Variants in ATF7 observed in about 807,000 individuals in gnomAD.
The protein encoded by ATF7 is cyclic AMP-dependent transcription factor ATF-7.
ATF7 carries 10 observed loss-of-function variants against 50.4 expected under a neutral mutation model. The observed-to-expected ratio is 0.20, with a 90% CI of 0.12 to 0.34. The LOEUF (loss-of-function observed/expected upper bound fraction) is 0.34. ATF7 is among the 10% of genes least tolerant of loss of function. ATF7 has a pLI of 1.00. For synonymous variants in ATF7, 201 were observed against 226.4 expected (o/e 0.89, Z 1.01); for missense variants, 465 against 613.9 (o/e 0.76, Z 2.56).
intron 1 of ATF7, among the ~76,000 whole-genome samples, chr12:53,605,654 A>G (rs1470957346): frequency 2.6e-5 from 4 of 152,236 alleles, no homozygotes; most frequent in Admixed American, 2.6e-4. Flanking sequence ...AAATAATTTT[A>G]GATTAACAGC....
intron 3 of ATF7, 145 bp downstream of exon 3, chr12:53,552,396 G>T: frequency 1.7e-6 from 1 of 604,134 alleles, no homozygotes. Flanking sequence ...GGAGCTTTTA[G>T]TGTTCCTTTT....
intron 2 of ATF7, among the ~76,000 whole-genome samples, chr12:53,573,213 G>C (rs1249225424): frequency 6.6e-6 from 1 of 151,664 alleles, no homozygotes; most frequent in Non-Finnish European, 1.5e-5. Context: ...ATCTCTTACT[G>C]TGCTGAATTT....
intron 1 of ATF7, among the ~76,000 whole-genome samples, chr12:53,609,400 C>T (rs1051252951): frequency 6.6e-6 from 1 of 151,650 alleles, no homozygotes; most frequent in African/African-American, 2.4e-5. Flanking sequence ...GTGATCTGCC[C>T]GCCTCAGCCT....
chr12:53,549,114 G>A (rs1158167607), intron 3 of ATF7, among the ~76,000 whole-genome samples: 4 of 151,790 alleles, frequency 2.6e-5, no homozygotes, highest in East Asian at 1.9e-4. Context: ...GTGAAACCCC[G>A]TCTCTACTAA....
intron 5 of ATF7, among the ~76,000 whole-genome samples, chr12:53,536,305 T>G (rs1939218577): frequency 1.3e-5 from 2 of 151,520 alleles, no homozygotes; most frequent in African/African-American, 4.8e-5. Context: ...GAGACGGAGT[T>G]TTGCTCTGTC....
At chr12:53,616,717 TG>T (rs1459279038) in intron 1 of ATF7, among the ~76,000 whole-genome samples, 1 of 150,262 alleles carries the variant, frequency 6.7e-6, no homozygotes, top group Non-Finnish European at 1.5e-5. Flanking sequence ...CTGAGGCGGG[TG>T]GATTGCCTGA....
chr12:53,519,246 G>C lies in ATF7; in HGVS notation c.1235-1892C>G, dbSNP rs142186531. The stretch of plus-strand genomic sequence containing the variant: ...GAACCCTATCCTTAGGAAGCTCCCA[G>C]TTTAGGGGCTTTTTAACTGGGATAT... On this transcript the variant is annotated intron_variant, in intron 11 of 11. Coordinates refer to ENST00000420353, the MANE Select transcript of ATF7 (RefSeq NM_006856.3). Among the ~76,000 whole-genome samples, 10 of 152,288 alleles carry C rather than the reference G, an allele frequency of 6.6e-5. No homozygotes were observed. The East Asian group carries it at 1.7e-3, about 26-fold the overall frequency.
intron 2 of ATF7, among the ~76,000 whole-genome samples, chr12:53,559,704 T>C (rs981095957): frequency 2.3e-5 from 3 of 132,110 alleles, no homozygotes; most frequent in African/African-American, 8.6e-5. Flanking sequence ...AAAGCAAAAA[T>C]CCTTAGTGTA....
chr12:53,527,161 AAAAAT>A (rs1168619948), intron 9 of ATF7, among the ~76,000 whole-genome samples: 3 of 151,240 alleles, frequency 2.0e-5, no homozygotes, highest in African/African-American at 7.3e-5. Flanking sequence ...CCTGTCTCAA[AAAAAT>A]AAAATAAAAT....
At chr12:53,612,173 A>T (rs536764532) in intron 1 of ATF7, among the ~76,000 whole-genome samples, 5 of 152,028 alleles carry the variant, frequency 3.3e-5, no homozygotes, top group Admixed American at 6.6e-5. Context: ...ACGGGGTTTC[A>T]CCATAGTGGC....
chr12:53,527,980 T>C (rs1368159222), intron 9 of ATF7, among the ~76,000 whole-genome samples: 1 of 151,874 alleles, frequency 6.6e-6, no homozygotes, highest in Non-Finnish European at 1.5e-5. Flanking sequence ...TAGCTGGGAC[T>C]ACAGGCGCCT....
intron 3 of ATF7, among the ~76,000 whole-genome samples, chr12:53,544,694 G>A (rs12828161): frequency 0.17 from 26,585 of 152,074 alleles, 2,964 homozygotes; most frequent in East Asian, 0.56. Flanking sequence ...GTTGCAGTAA[G>A]CCGAGATCAC....
intron 1 of ATF7, among the ~76,000 whole-genome samples, chr12:53,603,472 C>T (rs1441133064): frequency 6.6e-6 from 1 of 152,140 alleles, no homozygotes; most frequent in African/African-American, 2.4e-5. Context: ...AAATATTCAA[C>T]TGACAGCCAC....
chr12:53,618,583 C>A (rs541548996), intron 1 of ATF7, among the ~76,000 whole-genome samples: 2 of 152,264 alleles, frequency 1.3e-5, no homozygotes, highest in South Asian at 4.1e-4. Flanking sequence ...AATGTAAAGT[C>A]TTTAGTCCCT....
At chr12:53,557,856 A>G (rs1940853054) in intron 2 of ATF7, among the ~76,000 whole-genome samples, 1 of 152,230 alleles carries the variant, frequency 6.6e-6, no homozygotes, top group African/African-American at 2.4e-5. Context: ...AAGACTTAGT[A>G]AAATATCTTG....
chr12:53,624,510 AT>A (rs1261253097), intron 1 of ATF7, among the ~76,000 whole-genome samples: 1 of 152,262 alleles, frequency 6.6e-6, no homozygotes, highest in Non-Finnish European at 1.5e-5. Flanking sequence ...ATACACAACT[AT>A]CAAACAAAGG....
chr12:53,550,065 G>A lies in ATF7; in HGVS notation c.145+2476C>T, dbSNP rs1353071880. On this transcript the variant is annotated intron_variant, in intron 3 of 11. Coordinates refer to ENST00000420353, the MANE Select transcript of ATF7 (RefSeq NM_006856.3). ...GGGCCCAGGGGGGCGGCTCACGCCTGTAATCCCAGCACTTTGGAAGGCCGA... is the reference window on the plus strand; with the variant it reads ...GGGCCCAGGGGGGCGGCTCACGCCTATAATCCCAGCACTTTGGAAGGCCGA... 2.6e-5 allele frequency among the ~76,000 whole-genome samples: 4 copies of A among 152,048 alleles called. No individual in the cohort carries two copies. In the East Asian group the frequency reaches 7.8e-4, roughly 30 times the overall value.
chr12:53,528,661 G>A (rs894116187), intron 9 of ATF7, among the ~76,000 whole-genome samples: 5 of 152,276 alleles, frequency 3.3e-5, no homozygotes, highest in African/African-American at 1.2e-4. Context: ...TACTCAGGAG[G>A]CTGAGGCAGG....
chr12:53,587,200 C>G (rs904997083), intron 2 of ATF7, among the ~76,000 whole-genome samples: 1 of 151,338 alleles, frequency 6.6e-6, no homozygotes, highest in African/African-American at 2.4e-5. Flanking sequence ...AAACCCATCT[C>G]TACTGAAAAT....
Sources: gnomAD v4.1 joint callset for allele counts (sites outside exome capture counted in the v4.1 genomes callset) on GRCh38, gnomAD v4.1.1 for gene constraint, MANE v1.5 for transcripts, NCBI Gene and HGNC (gene_info 2026-07-23, HGNC 2026-07-21) for gene names.